Variants in ANTXR1 observed in about 807,000 individuals in gnomAD.
ANTXR1 encodes anthrax toxin receptor 1.
Under a neutral mutation model 78.1 loss-of-function variants are expected in ANTXR1, and 19 were observed. The ratio of observed to expected loss-of-function variants is 0.24; its 90% CI spans 0.17 to 0.36. The LOEUF is 0.36. Ranked by LOEUF, ANTXR1 falls within the 10% of genes least tolerant of loss-of-function variation. The pLI is 1.00. For synonymous variants in ANTXR1, 273 were observed against 260.5 expected (o/e 1.05, Z -0.46); for missense variants, 518 against 718.6 (o/e 0.72, Z 3.19).
At chr2:69,177,593 A>G (rs995256216) in intron 14 of ANTXR1, among the ~76,000 whole-genome samples, 1 of 152,120 alleles carries the variant, frequency 6.6e-6, no homozygotes, top group Non-Finnish European at 1.5e-5. Context: ...ACTTCCCTTG[A>G]TGGGAAACCG....
At chr2:69,211,576 C>T (rs72903126) in intron 17 of ANTXR1, among the ~76,000 whole-genome samples, 1,734 of 152,334 alleles carry the variant, frequency 0.011, 37 homozygotes, top group African/African-American at 0.04. Context: ...GAAATTGTTG[C>T]ACTTAGTGTT....
intron 12 of ANTXR1, among the ~76,000 whole-genome samples, chr2:69,148,581 A>C (rs1673296945): frequency 6.6e-6 from 1 of 152,220 alleles, no homozygotes; most frequent in South Asian, 2.1e-4. Flanking sequence ...TGAATTCACA[A>C]GATTGTTAAT....
chr2:69,242,864 A>G (rs905306174), intron 17 of ANTXR1, among the ~76,000 whole-genome samples: 3 of 152,258 alleles, frequency 2.0e-5, no homozygotes, highest in Non-Finnish European at 2.9e-5. Flanking sequence ...AAAGCTATAA[A>G]AGAGGGCAGC....
intron 1 of ANTXR1, among the ~76,000 whole-genome samples, chr2:69,018,572 G>T (rs1470641038): frequency 1.3e-5 from 2 of 152,192 alleles, no homozygotes; most frequent in African/African-American, 2.4e-5. Flanking sequence ...GCAGACTCAT[G>T]CTCTCTCACA....
intron 1 of ANTXR1, among the ~76,000 whole-genome samples, chr2:69,017,222 C>T (rs1445834314): frequency 2.6e-5 from 4 of 152,158 alleles, no homozygotes; most frequent in African/African-American, 7.2e-5. Context: ...CCTGGGTGGT[C>T]GCTAAAGACA....
intron 1 of ANTXR1, among the ~76,000 whole-genome samples, chr2:69,027,834 A>G (rs754038213): frequency 8.6e-5 from 13 of 151,858 alleles, no homozygotes; most frequent in Middle Eastern, 3.4e-3. Flanking sequence ...AAAAAGGTCA[A>G]TTGTGGCACC....
intron 1 of ANTXR1, among the ~76,000 whole-genome samples, chr2:69,016,655 A>G (rs1671033867): frequency 1.3e-5 from 2 of 152,242 alleles, no homozygotes; most frequent in Non-Finnish European, 2.9e-5. Context: ...CCACCTGTTT[A>G]AAAAGTTAAA....
intron 17 of ANTXR1, among the ~76,000 whole-genome samples, chr2:69,216,958 T>C (rs1675193764): frequency 6.6e-6 from 1 of 152,224 alleles, no homozygotes; most frequent in East Asian, 1.9e-4. Context: ...TGCAGTTAAA[T>C]ATCCCACATC....
intron 17 of ANTXR1, among the ~76,000 whole-genome samples, chr2:69,218,401 G>T (rs1439200566): frequency 6.6e-6 from 1 of 152,178 alleles, no homozygotes; most frequent in Non-Finnish European, 1.5e-5. Context: ...TTATACTGAG[G>T]ACAAGTCAGT....
intron 8 of ANTXR1, among the ~76,000 whole-genome samples, chr2:69,087,771 C>T (rs2104272371): frequency 6.6e-6 from 1 of 152,274 alleles, no homozygotes; most frequent in Admixed American, 6.5e-5. Context: ...ACTGCCCGGG[C>T]CTCCCTACCC....
intron 3 of ANTXR1, among the ~76,000 whole-genome samples, chr2:69,064,356 A>G (rs925213126): frequency 3.3e-5 from 5 of 152,188 alleles, no homozygotes; most frequent in African/African-American, 1.2e-4. Context: ...TTCCTTCTCA[A>G]GTAGTTGAAA....
chr2:69,117,404 A>G (rs13410464), intron 10 of ANTXR1, among the ~76,000 whole-genome samples: 24,282 of 152,252 alleles, frequency 0.16, 2,153 homozygotes, highest in African/African-American at 0.24. Context: ...AGAGGGTTGT[A>G]GAAGCATCAA....
intron 3 of ANTXR1, among the ~76,000 whole-genome samples, chr2:69,062,154 A>C (rs1670263087): frequency 6.6e-6 from 1 of 152,210 alleles, no homozygotes; most frequent in African/African-American, 2.4e-5. Flanking sequence ...TGCAGGGATA[A>C]GGAAAAGTCA....
chr2:69,204,612 G>T (rs1303134278), intron 17 of ANTXR1, among the ~76,000 whole-genome samples: 1 of 152,124 alleles, frequency 6.6e-6, no homozygotes, highest in Non-Finnish European at 1.5e-5. Context: ...TGGTGGAAAT[G>T]GCAAGACTGG....
chr2:69,060,055 C>A (rs182445476), intron 3 of ANTXR1, among the ~76,000 whole-genome samples: 1 of 152,292 alleles, frequency 6.6e-6, no homozygotes, highest in East Asian at 1.9e-4. Context: ...ATGCTGCAAC[C>A]TTTAAAAATT....
chr2:69,179,622 A>G (rs775426965), intron 14 of ANTXR1, among the ~76,000 whole-genome samples: 1 of 152,184 alleles, frequency 6.6e-6, no homozygotes, highest in African/African-American at 2.4e-5. Context: ...GCAAACCACA[A>G]AAGAACAAAA....
intron 1 of ANTXR1, among the ~76,000 whole-genome samples, chr2:69,024,164 A>T (rs1394128462): frequency 1.3e-5 from 2 of 152,074 alleles, no homozygotes; most frequent in Admixed American, 1.3e-4. Flanking sequence ...TGAATGGGAG[A>T]GGAAAGGGTT....
chr2:69,090,638 ATTC>A, intron 8 of ANTXR1: 1 of 595,932 alleles, frequency 1.7e-6, no homozygotes, highest in Admixed American at 2.8e-5. Flanking sequence ...TGAATGAATA[ATTC>A]TTAGGGCTTT....
intron 17 of ANTXR1, among the ~76,000 whole-genome samples, chr2:69,230,977 A>T (rs1343049604): frequency 2.0e-5 from 3 of 151,652 alleles, no homozygotes. Flanking sequence ...ACTCACGTAG[A>T]CTCCAGTGTC....
Sources: gnomAD v4.1 joint callset for allele counts (sites outside exome capture counted in the v4.1 genomes callset) on GRCh38, gnomAD v4.1.1 for gene constraint, MANE v1.5 for transcripts, NCBI Gene and HGNC (gene_info 2026-07-23, HGNC 2026-07-21) for gene names.